The following ATP10A variants were observed in gnomAD, a reference collection of about 807,000 sequenced individuals.
ATP10A encodes phospholipid-transporting ATPase VA.
In ATP10A, 111 loss-of-function variants were observed where a neutral mutation model predicts 147.8. That is an observed-to-expected ratio of 0.75 (90% CI 0.64 to 0.88). ATP10A has a LOEUF of 0.88. ATP10A is among the 40% of genes least tolerant of loss of function. The pLI is 0.00. For synonymous variants in ATP10A, 875 were observed against 841.6 expected, an observed-to-expected ratio of 1.04 and a Z score of -0.69; for missense variants, 1,927 against 1,959.0, an observed-to-expected ratio of 0.98 and a Z score of 0.31.
chr15:25,705,459 A>C (rs1156991806), intron 12 of ATP10A, among the ~76,000 whole-genome samples: 2 of 2,692 alleles, frequency 7.4e-4, no homozygotes, highest in Non-Finnish European at 1.7e-3. Context: ...AAAAACAAAA[A>C]AAAAAAACAA....
intron 12 of ATP10A, among the ~76,000 whole-genome samples, chr15:25,707,123 GAT>G (rs1376362571): frequency 1.3e-5 from 2 of 152,220 alleles, no homozygotes; most frequent in Non-Finnish European, 2.9e-5. Context: ...AATGTGTGCA[GAT>G]ATATGTTATG....
In ATP10A at chr15:25,679,224, G is replaced by A. The variant is rs1229179254; in HGVS notation, c.*117C>T. ...TCTTTTTTGGTACCTCTTGTTTCCT[G>A]TATTAGCCTGGGAAACATTTAGAAA... On this transcript the variant is annotated 3_prime_UTR_variant, in exon 21 of 21. Coordinates refer to ENST00000555815, the MANE Select transcript of ATP10A (RefSeq NM_024490.4). 1.3e-5 allele frequency: 11 copies of A among 831,808 alleles called. No individual in the cohort carries two copies. The highest frequency in any genetic ancestry group is 1.8e-5 in the African/African-American group (1 of 56,254). The allele number at this position is 831,808 out of a possible 1,614,324, so 51.5% of individuals were successfully genotyped here. A position where few individuals can be genotyped will look rare whatever the true frequency, so the allele number is the denominator to read the frequency against.
downstream of ATP10A, among the ~76,000 whole-genome samples, chr15:25,674,239 G>A (rs1899095320): frequency 6.6e-6 from 1 of 152,184 alleles, no homozygotes; most frequent in Non-Finnish European, 1.5e-5. Context: ...TGCACCGTGG[G>A]GTCAGGGCTC....
chr15:25,700,782 C>A (rs147260302), intron 13 of ATP10A, among the ~76,000 whole-genome samples: 8 of 151,896 alleles, frequency 5.3e-5, no homozygotes, highest in South Asian at 4.2e-4. Context: ...GATCTATGCA[C>A]GTGTTAAAAT....
At chr15:25,854,054 T>C (rs765193378) in intron 1 of ATP10A, among the ~76,000 whole-genome samples, 72 of 152,074 alleles carry the variant, frequency 4.7e-4, no homozygotes, top group Admixed American at 9.2e-4. Context: ...ATAAATTATA[T>C]TTAAATCCAC....
At chr15:25,767,032 G>C (rs1889062810) in intron 2 of ATP10A, among the ~76,000 whole-genome samples, 1 of 152,114 alleles carries the variant, frequency 6.6e-6, no homozygotes, top group Non-Finnish European at 1.5e-5. Context: ...TCTTTGAAGA[G>C]GGCTGCTCCG....
chr15:25,678,318 GCAGGGAGTA>G (rs1359000698), downstream of ATP10A: 1 of 152,062 alleles, frequency 6.6e-6, no homozygotes, highest in Non-Finnish European at 1.5e-5. Flanking sequence ...CTCCCACACA[GCAGGGAGTA>G]CACCCTTCAC....
intron 8 of ATP10A, 97 bp downstream of exon 8, chr15:25,718,085 T>G (rs750444098): frequency 4.7e-5 from 61 of 1,300,904 alleles, no homozygotes; most frequent in Non-Finnish European, 5.4e-5. Context: ...CGACAGTGTA[T>G]TTGTAGGATT....
At chr15:25,718,898 T>C (rs2014053) in intron 7 of ATP10A, among the ~76,000 whole-genome samples, 66,615 of 151,938 alleles carry the variant, frequency 0.44, 14,924 homozygotes, top group East Asian at 0.63. Flanking sequence ...CACTCCCAGA[T>C]TGCACAGCTT....
chr15:25,862,520 G>C, intron 1 of ATP10A, 128 bp downstream of exon 1: 2 of 1,131,934 alleles, frequency 1.8e-6, no homozygotes, highest in South Asian at 3.2e-5. Context: ...GCGCAGCCGG[G>C]CCCTCCACCC....
At chr15:25,862,164 C>A in intron 1 of ATP10A, 1 of 429,492 alleles carries the variant, frequency 2.3e-6, no homozygotes, top group Non-Finnish European at 4.7e-6. Context: ...CATATCAGCA[C>A]TTGGCGGCAG....
chr15:25,799,187 A>G (rs1254493177), intron 1 of ATP10A, among the ~76,000 whole-genome samples: 1 of 152,152 alleles, frequency 6.6e-6, no homozygotes, highest in Admixed American at 6.5e-5. Flanking sequence ...TCGGTCACAC[A>G]GACTTCCCTG....
At chr15:25,704,879 A>G (rs1900883423) in intron 12 of ATP10A, among the ~76,000 whole-genome samples, 2 of 152,176 alleles carry the variant, frequency 1.3e-5, no homozygotes, top group Admixed American at 1.3e-4. Context: ...TCTGAGTATC[A>G]TAACTCAGGA....
chr15:25,813,549 C>T (rs1891520868), intron 1 of ATP10A, among the ~76,000 whole-genome samples: 1 of 152,080 alleles, frequency 6.6e-6, no homozygotes, highest in Non-Finnish European at 1.5e-5. Flanking sequence ...AACAAAGCAT[C>T]AATCAATAGA....
intron 10 of ATP10A, chr15:25,710,102 T>A (rs2140376219): frequency 6.6e-6 from 1 of 152,378 alleles, no homozygotes; most frequent in South Asian, 2.1e-4. Context: ...GGCATGGCAA[T>A]TTTCACACTG....
At chr15:25,705,574 G>A (rs1377135666) in intron 12 of ATP10A, among the ~76,000 whole-genome samples, 2 of 152,102 alleles carry the variant, frequency 1.3e-5, no homozygotes, top group Non-Finnish European at 2.9e-5. Context: ...CAGTGCCCGC[G>A]TTTGAGCCAT....
chr15:25,795,437 A>G (rs9806392), intron 1 of ATP10A, among the ~76,000 whole-genome samples: 6,613 of 152,284 alleles, frequency 0.043, 457 homozygotes, highest in African/African-American at 0.15. Flanking sequence ...ACTCTGCCCA[A>G]TGATTTGAGA....
Position 25,723,983 on chromosome 15 carries a change from ACTT to A in ATP10A, c.1015_1017del (p.Lys339del), listed in dbSNP as rs759279178. On this transcript the variant is annotated inframe_deletion, in exon 6 of 21. Coordinates refer to ENST00000555815, the MANE Select transcript of ATP10A (RefSeq NM_024490.4). ...TCAGACTTGGGGACATAAAATAATG[ACTT>A]CTTCTCTTGATACCGCCATATCCAC... 6.8e-6 allele frequency: 11 copies of A among 1,608,394 alleles called. No individual in the cohort carries two copies. The East Asian group carries it at 1.1e-4, about 16-fold the overall frequency.
chr15:25,693,556 C>T (rs1044495395), intron 14 of ATP10A, among the ~76,000 whole-genome samples: 59 of 146,332 alleles, frequency 4.0e-4, no homozygotes, highest in African/African-American at 1.4e-3. Flanking sequence ...CAGGGAAGGA[C>T]GCTGACGCTC....
Sources: gnomAD v4.1 joint callset for allele counts (sites outside exome capture counted in the v4.1 genomes callset) on GRCh38, gnomAD v4.1.1 for gene constraint, MANE v1.5 for transcripts, NCBI Gene and HGNC (gene_info 2026-07-23, HGNC 2026-07-21) for gene names.